MTDH: variants seen among roughly 807,000 people sequenced by gnomAD.
The protein encoded by MTDH is protein LYRIC.
Under a neutral mutation model 72.7 loss-of-function variants are expected in MTDH, and 34 were observed. That is an observed-to-expected ratio of 0.47 (90% CI 0.36 to 0.62). MTDH has a LOEUF of 0.62. Among genes scored for constraint, MTDH ranks in the 20% least tolerant of loss-of-function variants. The pLI is 0.00. For missense variants in MTDH, 677 were observed against 699.4 expected, an observed-to-expected ratio of 0.97 and a Z score of 0.36; for synonymous variants, 266 against 268.9, an observed-to-expected ratio of 0.99 and a Z score of 0.10.
intron 8 of MTDH, 59 bp downstream of exon 8, chr8:97,706,809 G>A: frequency 1.3e-6 from 2 of 1,548,940 alleles, no homozygotes; most frequent in Non-Finnish European, 1.7e-6. Context: ...GCTGGGCACA[G>A]TGGCTCACGC....
At chr8:97,657,770 A>G (rs112209029) in intron 1 of MTDH, among the ~76,000 whole-genome samples, 1 of 152,100 alleles carries the variant, frequency 6.6e-6, no homozygotes, top group Non-Finnish European at 1.5e-5. Flanking sequence ...TGGCCTCCCA[A>G]AGTGCTGGAA....
At chr8:97,723,659 C>T (rs1057399208) in intron 11 of MTDH, among the ~76,000 whole-genome samples, 30 of 150,714 alleles carry the variant, frequency 2.0e-4, no homozygotes, top group African/African-American at 7.1e-4. Flanking sequence ...AGGAGAATGG[C>T]GTGAACCCGG....
At chr8:97,687,047 C>T (rs1417589117) in intron 3 of MTDH, among the ~76,000 whole-genome samples, 1 of 151,972 alleles carries the variant, frequency 6.6e-6, no homozygotes, top group African/African-American at 2.4e-5. Context: ...GTTTGTTTTT[C>T]CCCCGTGGTT....
intron 6 of MTDH, among the ~76,000 whole-genome samples, chr8:97,697,381 G>T (rs1434283604): frequency 6.2e-5 from 5 of 80,178 alleles, no homozygotes; most frequent in South Asian, 5.0e-4. Flanking sequence ...TATTATTTCG[G>T]TTTTTTTTTT....
chr8:97,664,824 C>T (rs754250913), intron 2 of MTDH, among the ~76,000 whole-genome samples: 14 of 151,504 alleles, frequency 9.2e-5, no homozygotes, highest in Non-Finnish European at 2.1e-4. Context: ...TGCAATGGCA[C>T]GATCTCAGCT....
intron 7 of MTDH, among the ~76,000 whole-genome samples, chr8:97,703,532 C>T (rs995258237): frequency 8.5e-5 from 13 of 152,080 alleles, no homozygotes; most frequent in Middle Eastern, 3.2e-3. Flanking sequence ...GGCTTATGGA[C>T]GGCAATTTTC....
At chr8:97,646,322 T>C (rs1298736352) in intron 1 of MTDH, among the ~76,000 whole-genome samples, 1 of 152,194 alleles carries the variant, frequency 6.6e-6, no homozygotes, top group Non-Finnish European at 1.5e-5. Flanking sequence ...ACTTTGTCAA[T>C]GTGAATACTA....
chr8:97,719,424 C>T (rs751982436), intron 10 of MTDH, among the ~76,000 whole-genome samples: 6 of 140,698 alleles, frequency 4.3e-5, no homozygotes, highest in Non-Finnish European at 7.5e-5. Flanking sequence ...ACCTGAGAGG[C>T]GGAGGGTGCA....
At position 97,725,719 on chromosome 8, in the gene MTDH, A is replaced by G. The variant is rs578078039; in HGVS notation, c.*1049A>G. The G allele has an allele frequency of 1.3e-5, 2 of 152,764 alleles. No homozygotes were observed. The highest frequency in any genetic ancestry group is 6.5e-5 in the Admixed American group (1 of 15,292). 9.5% of individuals were successfully genotyped at this position (152,764 alleles called of 1,614,324 possible). On this transcript the variant is annotated 3_prime_UTR_variant, in exon 12 of 12. Transcript: ENST00000336273. Reference sequence around the variant, plus strand: ...GATTCATGTTTTTATAAGAATTTTCATGTAATTATTGCAATTGTGGTCAAA... The same window carrying G: ...GATTCATGTTTTTATAAGAATTTTCGTGTAATTATTGCAATTGTGGTCAAA...
Position 97,669,922 on chromosome 8 carries a change from C to CAAAA in MTDH, c.483+8762_483+8765dup, listed in dbSNP as rs61250041. Among the ~76,000 whole-genome samples the CAAAA allele has an allele frequency of 2.0e-3, 239 of 119,334 alleles. 2 individuals are homozygous for CAAAA. Among genetic ancestry groups the CAAAA allele is most frequent in the African/African-American group, 6.5e-3 (225 of 34,466 alleles). 78.3% of individuals were successfully genotyped at this position (119,334 alleles called of 152,430 possible). On this transcript the variant is annotated intron_variant, in intron 2 of 11. Coordinates refer to ENST00000336273, the MANE Select transcript of MTDH (RefSeq NM_178812.4). ...TGATCAACAGAGGGAGACTCCATCT[C>CAAAA]AAAAAAAAAAAAAAAACTACTCCCT...
At chr8:97,662,181 A>G (rs1320649860) in intron 2 of MTDH, among the ~76,000 whole-genome samples, 1 of 151,096 alleles carries the variant, frequency 6.6e-6, no homozygotes, top group Non-Finnish European at 1.5e-5. Flanking sequence ...TTGTGCATCG[A>G]ATTACCCTCC....
chr8:97,698,694 A>T (rs954115736), intron 6 of MTDH, among the ~76,000 whole-genome samples: 1 of 152,236 alleles, frequency 6.6e-6, no homozygotes, highest in African/African-American at 2.4e-5. Context: ...TAGCCAAAAG[A>T]TGCTAGCTAA....
At chr8:97,662,783 CAAAA>C (rs575550309) in intron 2 of MTDH, among the ~76,000 whole-genome samples, 4 of 134,622 alleles carry the variant, frequency 3.0e-5, no homozygotes, top group Admixed American at 7.6e-5. Flanking sequence ...GAGACTCTGT[CAAAA>C]AAAAAAAGAA....
chr8:97,715,928 A>G (rs1814851297), intron 9 of MTDH, among the ~76,000 whole-genome samples: 1 of 152,176 alleles, frequency 6.6e-6, no homozygotes, highest in East Asian at 1.9e-4. Context: ...GTTTTTAAAA[A>G]TATAATGAAT....
At chr8:97,720,995 C>T (rs1046588870) in intron 10 of MTDH, among the ~76,000 whole-genome samples, 4 of 151,660 alleles carry the variant, frequency 2.6e-5, no homozygotes, top group African/African-American at 9.7e-5. Flanking sequence ...CAGAAGCCAT[C>T]TTATGAAGAA....
At chr8:97,704,324 C>T (rs1406429566) in intron 7 of MTDH, among the ~76,000 whole-genome samples, 1 of 152,222 alleles carries the variant, frequency 6.6e-6, no homozygotes, top group Non-Finnish European at 1.5e-5. Flanking sequence ...ATCTCTAGTA[C>T]CTACCTAGCT....
intron 7 of MTDH, among the ~76,000 whole-genome samples, chr8:97,700,201 A>C (rs1045135076): frequency 3.9e-5 from 6 of 152,172 alleles, no homozygotes; most frequent in Non-Finnish European, 8.8e-5. Context: ...TGAAGTATAC[A>C]CACATTTTTG....
intron 9 of MTDH, among the ~76,000 whole-genome samples, chr8:97,717,630 C>A (rs57793801): frequency 4.1e-5 from 6 of 147,264 alleles, no homozygotes; most frequent in Non-Finnish European, 7.5e-5. Flanking sequence ...TATCCCCCCC[C>A]CCCCAAAAAT....
At chr8:97,655,884 A>T (rs1048308333) in intron 1 of MTDH, among the ~76,000 whole-genome samples, 4 of 152,238 alleles carry the variant, frequency 2.6e-5, no homozygotes, top group African/African-American at 9.6e-5. Context: ...TTCAAATGTA[A>T]ATGTGTAAGA....
Sources: allele counts gnomAD v4.1 joint callset (sites outside exome capture counted in the v4.1 genomes callset), GRCh38; gene constraint gnomAD v4.1.1; transcripts MANE v1.5; gene names NCBI Gene and HGNC (gene_info 2026-07-23, HGNC 2026-07-21).